Variants in OC90 observed in about 807,000 individuals in gnomAD.
OC90 encodes otoconin-90.
A neutral mutation model predicts 47.3 loss-of-function variants in OC90; 46 were observed. The observed-to-expected ratio is 0.97, with a 90% CI of 0.77 to 1.24. OC90 has a LOEUF of 1.24. OC90 is among the 50% of genes most tolerant of loss of function. The pLI, the probability that OC90 is intolerant of heterozygous loss-of-function variation, is 0.00. For synonymous variants in OC90, 271 were observed against 219.5 expected (o/e 1.23, Z -2.07); for missense variants, 688 against 583.9 (o/e 1.18, Z -1.84).
chr8:132,044,742 A>G (rs1031882034), intron 3 of OC90, among the ~76,000 whole-genome samples: 4 of 152,198 alleles, frequency 2.6e-5, no homozygotes, highest in Non-Finnish European at 4.4e-5. Flanking sequence ...ATCTGGACTG[A>G]CAGGAATTAT....
intron 2 of OC90, among the ~76,000 whole-genome samples, chr8:132,046,329 C>T (rs1428843667): frequency 6.6e-6 from 1 of 152,168 alleles, no homozygotes; most frequent in Non-Finnish European, 1.5e-5. Context: ...ACCTGGGATG[C>T]AGACTCCGTA....
intron 10 of OC90, among the ~76,000 whole-genome samples, chr8:132,034,381 G>A (rs1822922558): frequency 6.6e-6 from 1 of 152,198 alleles, no homozygotes; most frequent in African/African-American, 2.4e-5. Flanking sequence ...GAACTGCTCA[G>A]TGAATGAGAA....
At chr8:132,056,852 A>G (rs889475041) in intron 1 of OC90, among the ~76,000 whole-genome samples, 1 of 152,194 alleles carries the variant, frequency 6.6e-6, no homozygotes, top group Non-Finnish European at 1.5e-5. Context: ...GCCACTCAGT[A>G]TGTCAGGTAT....
intron 8 of OC90, among the ~76,000 whole-genome samples, chr8:132,037,813 G>A (rs1269449829): frequency 6.6e-6 from 1 of 152,190 alleles, no homozygotes; most frequent in African/African-American, 2.4e-5. Context: ...TCCAAAGGGA[G>A]GCAGGGGGTG....
chr8:132,040,905 G>T (rs1389746853), intron 6 of OC90, 139 bp downstream of exon 6: 22 of 639,490 alleles, frequency 3.4e-5, no homozygotes, highest in Non-Finnish European at 5.9e-5. Flanking sequence ...GCCCTCGTGG[G>T]GCTCTAAGTG....
Position 132,028,464 on chromosome 8 carries a change from T to A in OC90, c.1138+609A>T, listed in dbSNP as rs1437930217. On this transcript the variant is annotated intron_variant, in intron 13 of 13. Transcript: ENST00000254627. ...TTGCAGTGAGCCAAGATTGTACCGC[T>A]GTACTCCAGCCTGGTGGCCGAGTGA... Among the ~76,000 whole-genome samples, 4 of 150,148 alleles carry A rather than the reference T, an allele frequency of 2.7e-5. No homozygotes were observed. The East Asian group carries it at 7.9e-4, about 30-fold the overall frequency.
chr8:132,047,519 A>ATC (rs1823149655), intron 2 of OC90, among the ~76,000 whole-genome samples: 1 of 152,192 alleles, frequency 6.6e-6, no homozygotes, highest in Non-Finnish European at 1.5e-5. Context: ...AGTTTGTTTC[A>ATC]TCTGGGAGTT....
intron 2 of OC90, chr8:132,049,699 T>C: frequency 9.6e-6 from 4 of 417,550 alleles, no homozygotes; most frequent in Non-Finnish European, 2.0e-5. Flanking sequence ...CCTTTCCATA[T>C]AATTTTTAGC....
At chr8:132,030,818 G>T (rs1822861888) in intron 12 of OC90, among the ~76,000 whole-genome samples, 1 of 152,202 alleles carries the variant, frequency 6.6e-6, no homozygotes, top group African/African-American at 2.4e-5. Flanking sequence ...ACAGGTAGAG[G>T]CAGGGGAAAG....
At chr8:132,028,798 G>GTAAA (rs1822824689) in intron 13 of OC90, among the ~76,000 whole-genome samples, 1 of 34,468 alleles carries the variant, frequency 2.9e-5, no homozygotes, top group Non-Finnish European at 6.0e-5. Context: ...GAAAGAAGAA[G>GTAAA]GAAAGAAAGA....
In OC90 at chr8:132,039,012, C is replaced by G. The variant is rs1405565538; in HGVS notation, c.569G>C (p.Cys190Ser). 2 of 1,613,940 alleles carry G rather than the reference C, an allele frequency of 1.2e-6. No individual in the cohort carries two copies. The highest frequency in any genetic ancestry group is 1.7e-6 in the Non-Finnish European group (2 of 1,179,878). ...SSLNLLDTSF[C>S]LAQTPETTIK... ...CTTCCTACCTGGAGTCTGAGCCAGG[C>G]AGAAGGAGGTGTCCAGAAGGTTCAG... The change falls in exon 7 of 14, where the codon TGC becomes TCC. Residue 190 changes from cysteine (C) to serine (S), a missense_variant. Transcript: ENST00000254627.
chr8:132,037,102 G>A (rs1011357687), intron 9 of OC90, among the ~76,000 whole-genome samples: 5 of 152,198 alleles, frequency 3.3e-5, no homozygotes, highest in Admixed American at 1.3e-4. Context: ...TTAATTTAGG[G>A]GTTGTCTGTG....
Position 132,045,886 on chromosome 8 carries a change from A to T in OC90, c.47-3T>A. The T allele has an allele frequency of 1.3e-6, 2 of 1,528,062 alleles. No homozygotes were observed. Among genetic ancestry groups the T allele is most frequent in the Non-Finnish European group, 1.8e-6 (2 of 1,125,506 alleles). The allele number at this position is 1,528,062 out of a possible 1,614,324, so 94.7% of individuals were successfully genotyped here. On this transcript the variant is annotated splice_region_variant and splice_polypyrimidine_tract_variant and intron_variant, in intron 2 of 13. Coordinates refer to ENST00000254627, the MANE Select transcript of OC90 (RefSeq NM_001080399.3). Reference sequence around the variant, plus strand: ...TGGAGTGTCCAGAGGATGGCCTCCTATAAATAAGGAAGAGAAAGTAGGGTA... The same window carrying T: ...TGGAGTGTCCAGAGGATGGCCTCCTTTAAATAAGGAAGAGAAAGTAGGGTA...
chr8:132,052,711 A>G (rs532625981), intron 2 of OC90, among the ~76,000 whole-genome samples: 1 of 152,348 alleles, frequency 6.6e-6, no homozygotes, highest in South Asian at 2.1e-4. Flanking sequence ...AAAACTCACC[A>G]GAATGACATT....
At chr8:132,041,729 G>A (rs541882426) in intron 4 of OC90, 30 bp from the exon 5 acceptor site, 10 of 1,449,524 alleles carry the variant, frequency 6.9e-6, no homozygotes, top group East Asian at 4.6e-5. Context: ...GGCCTGATAA[G>A]CACTGGGAAC....
chr8:132,056,420 G>A (rs185464666), intron 1 of OC90, among the ~76,000 whole-genome samples: 58 of 152,316 alleles, frequency 3.8e-4, no homozygotes, highest in Non-Finnish European at 6.6e-4. Flanking sequence ...TCTAGCACAA[G>A]CTCTGGTGGC....
At chr8:132,047,103 C>T (rs896025091) in intron 2 of OC90, among the ~76,000 whole-genome samples, 4 of 152,160 alleles carry the variant, frequency 2.6e-5, no homozygotes, top group African/African-American at 9.7e-5. Flanking sequence ...TTGGAGTTTC[C>T]ACAACGCATA....
chr8:132,048,094 A>T (rs552915654), intron 2 of OC90, among the ~76,000 whole-genome samples: 2 of 152,320 alleles, frequency 1.3e-5, no homozygotes, highest in South Asian at 4.1e-4. Context: ...CTCACCAGAC[A>T]CTGAATCATC....
intron 10 of OC90, 88 bp from the exon 11 acceptor site, chr8:132,033,252 G>A (rs1456739508): frequency 1.5e-6 from 2 of 1,322,234 alleles, no homozygotes; most frequent in East Asian, 4.9e-5. Context: ...AATGCAAACA[G>A]ATAGAACAAC....
Sources: gnomAD v4.1 joint callset for allele counts (sites outside exome capture counted in the v4.1 genomes callset) on GRCh38, gnomAD v4.1.1 for gene constraint, MANE v1.5 for transcripts, NCBI Gene and HGNC (gene_info 2026-07-23, HGNC 2026-07-21) for gene names.